The following PRH1 variants were observed in gnomAD, a reference collection of about 807,000 sequenced individuals.
The protein encoded by PRH1 is salivary acidic proline-rich phosphoprotein 1/2.
A neutral mutation model predicts 7.9 loss-of-function variants in PRH1; 7 were observed. That is an observed-to-expected ratio of 0.89 (90% CI 0.50 to 1.67). The LOEUF (loss-of-function observed/expected upper bound fraction) is 1.67. Among genes scored for constraint, PRH1 ranks in the 40% most tolerant of loss-of-function variants. PRH1 has a pLI of 0.00. For synonymous variants in PRH1, 45 were observed against 80.8 expected, an observed-to-expected ratio of 0.56 and a Z score of 2.38; for missense variants, 109 against 223.6, an observed-to-expected ratio of 0.49 and a Z score of 3.27.
intron 1 of PRH1, among the ~76,000 whole-genome samples, chr12:11,009,691 A>G (rs938656427): frequency 2.6e-5 from 4 of 151,886 alleles, no homozygotes; most frequent in African/African-American, 9.7e-5. Flanking sequence ...AAGAAACCGG[A>G]TATTAATTTG....
chr12:11,102,099 G>A (rs1360697456), intron 1 of PRH1, among the ~76,000 whole-genome samples: 2 of 152,122 alleles, frequency 1.3e-5, no homozygotes, highest in Non-Finnish European at 2.9e-5. Context: ...TCAATATCAT[G>A]AAAATGGCCA....
At chr12:11,166,675 T>TA (rs1239613033) in intron 1 of PRH1, among the ~76,000 whole-genome samples, 1 of 152,246 alleles carries the variant, frequency 6.6e-6, no homozygotes, top group African/African-American at 2.4e-5. Context: ...CTTTAAAACT[T>TA]AAGAAGATTT....
chr12:11,028,560 C>A (rs181956318), intron 1 of PRH1, among the ~76,000 whole-genome samples: 2,310 of 152,306 alleles, frequency 0.015, 19 homozygotes, highest in South Asian at 0.031. Context: ...ACATTAAAAA[C>A]ATTTTGGTAA....
intron 1 of PRH1, among the ~76,000 whole-genome samples, chr12:11,045,264 G>A (rs1451409973): frequency 3.3e-5 from 5 of 151,732 alleles, no homozygotes; most frequent in African/African-American, 9.7e-5. Context: ...GCTAAACAAA[G>A]GCTGGGAAAG....
At chr12:10,915,603 G>A (rs1236723234) in intron 2 of PRH1, among the ~76,000 whole-genome samples, 1 of 59,154 alleles carries the variant, frequency 1.7e-5, no homozygotes. Context: ...GACAAAGCCA[G>A]TTAGGTCTCA....
intron 1 of PRH1, among the ~76,000 whole-genome samples, chr12:11,164,550 G>A (rs1319788676): frequency 2.0e-5 from 3 of 152,156 alleles, no homozygotes; most frequent in Admixed American, 6.5e-5. Context: ...GATGCAAGTA[G>A]CTGACACAAA....
intron 1 of PRH1, among the ~76,000 whole-genome samples, chr12:11,041,874 T>C (rs559737299): frequency 6.6e-6 from 1 of 152,146 alleles, no homozygotes; most frequent in Non-Finnish European, 1.5e-5. Flanking sequence ...TGCTCCTGAA[T>C]GACCAGTAGG....
Position 11,028,535 on chromosome 12 carries a change from T to A in PRH1, c.-126+18485A>T, listed in dbSNP as rs866237066. Among the ~76,000 whole-genome samples, 23 of 152,364 alleles carry A rather than the reference T, an allele frequency of 1.5e-4. 1 individual carries two copies. Among genetic ancestry groups the A allele is most frequent in the South Asian group, 8.3e-4 (4 of 4,832 alleles). ...TGACTTCTAAATAAATGGTAGCACT[T>A]CAATAACAGGTATTACATTAAAAAC... On this transcript the variant is annotated intron_variant, in intron 1 of 3. Coordinates refer to the PRH1 transcript ENST00000539853.
At chr12:11,124,762 T>C (rs1160007034) in intron 1 of PRH1, among the ~76,000 whole-genome samples, 2 of 72,764 alleles carry the variant, frequency 2.7e-5, no homozygotes, top group Non-Finnish European at 3.7e-5. Flanking sequence ...GAATGTTATT[T>C]GATAAATGTG....
intron 1 of PRH1, among the ~76,000 whole-genome samples, chr12:11,100,729 T>G (rs1255126255): frequency 6.6e-6 from 1 of 152,204 alleles, no homozygotes; most frequent in Non-Finnish European, 1.5e-5. Context: ...AAATCTGGAT[T>G]ATTTTACTAC....
chr12:10,929,240 T>C (rs527774006), intron 2 of PRH1: 91 of 1,614,016 alleles, frequency 5.6e-5, no homozygotes, highest in Middle Eastern at 3.3e-4. Flanking sequence ...TCTCCCAGCA[T>C]AAAGTTGGGA....
At chr12:11,109,165 C>T (rs1291053278) in intron 1 of PRH1, among the ~76,000 whole-genome samples, 1 of 152,170 alleles carries the variant, frequency 6.6e-6, no homozygotes, top group African/African-American at 2.4e-5. Context: ...GGCAGCAGCC[C>T]CAGTCAGGGG....
At chr12:11,056,261 T>C (rs571848964) in intron 1 of PRH1, among the ~76,000 whole-genome samples, 1 of 152,272 alleles carries the variant, frequency 6.6e-6, no homozygotes, top group Non-Finnish European at 1.5e-5. Flanking sequence ...ATGTTTTCCA[T>C]TGAAGAGTCT....
At chr12:10,997,476 A>G (rs139030764) in intron 1 of PRH1, 24 of 1,613,898 alleles carry the variant, frequency 1.5e-5, no homozygotes, top group Middle Eastern at 1.7e-4. Flanking sequence ...AAAGACCCCA[A>G]CACTATCACC....
chr12:11,021,813 C>T (rs1301433419), intron 1 of PRH1: 3 of 1,614,258 alleles, frequency 1.9e-6, no homozygotes, highest in African/African-American at 1.3e-5. Flanking sequence ...TCTGCTGTGT[C>T]CTAAGATTCC....
chr12:11,126,442 C>T (rs919210191), intron 1 of PRH1, among the ~76,000 whole-genome samples: 27 of 45,624 alleles, frequency 5.9e-4, no homozygotes, highest in African/African-American at 2.1e-3. Flanking sequence ...TCTTTATAAA[C>T]GTCTCTCTAG....
chr12:11,163,884 A>T (rs1194306512), intron 1 of PRH1, among the ~76,000 whole-genome samples: 1 of 152,186 alleles, frequency 6.6e-6, no homozygotes, highest in Non-Finnish European at 1.5e-5. Flanking sequence ...CATTTCCCAG[A>T]CCCCATGGTC....
At chr12:10,953,779 C>T (rs780687074) in intron 2 of PRH1, among the ~76,000 whole-genome samples, 3 of 152,112 alleles carry the variant, frequency 2.0e-5, no homozygotes, top group Non-Finnish European at 2.9e-5. Flanking sequence ...CGAAATACTA[C>T]ACAAGAAGAA....
intron 1 of PRH1, among the ~76,000 whole-genome samples, chr12:11,069,676 A>G (rs1292053697): frequency 3.3e-5 from 5 of 152,338 alleles, no homozygotes; most frequent in Non-Finnish European, 7.4e-5. Flanking sequence ...CATTGGAATG[A>G]GTTCATAAGC....
Sources: allele counts gnomAD v4.1 joint callset (sites outside exome capture counted in the v4.1 genomes callset), GRCh38; gene constraint gnomAD v4.1.1; transcripts MANE v1.5; gene names NCBI Gene and HGNC (gene_info 2026-07-23, HGNC 2026-07-21).